FAM81B: variants seen among roughly 807,000 people sequenced by gnomAD.
The protein encoded by FAM81B is protein FAM81B.
FAM81B carries 60 observed loss-of-function variants against 58.7 expected under a neutral mutation model. The ratio of observed to expected loss-of-function variants is 1.02; its 90% CI spans 0.83 to 1.27. FAM81B has a LOEUF of 1.27. FAM81B is among the 50% of genes most tolerant of loss of function. The pLI is 0.00. For synonymous variants in FAM81B, 189 were observed against 179.6 expected (o/e 1.05, Z -0.42); for missense variants, 491 against 522.0 (o/e 0.94, Z 0.58).
At chr5:95,424,126 T>C in intron 5 of FAM81B, 2 of 1,289,822 alleles carry the variant, frequency 1.6e-6, no homozygotes, top group South Asian at 2.5e-5. Flanking sequence ...AGAGATTTGA[T>C]ACTGCAAGCC....
At chr5:95,427,815 T>C (rs1762888735) in intron 5 of FAM81B, among the ~76,000 whole-genome samples, 1 of 152,200 alleles carries the variant, frequency 6.6e-6, no homozygotes, top group Non-Finnish European at 1.5e-5. Context: ...AAACTGACCA[T>C]TAATACACTG....
intron 3 of FAM81B, among the ~76,000 whole-genome samples, chr5:95,400,101 G>A (rs1373458434): frequency 1.2e-4 from 18 of 152,158 alleles, no homozygotes; most frequent in African/African-American, 4.3e-4. Flanking sequence ...ATAAGATAGT[G>A]TTATAATAAA....
intron 6 of FAM81B, among the ~76,000 whole-genome samples, chr5:95,430,816 A>G (rs1054777593): frequency 6.6e-5 from 10 of 151,566 alleles, no homozygotes; most frequent in African/African-American, 2.4e-4. Flanking sequence ...ACACCCACCA[A>G]CAATATGTAA....
chr5:95,448,326 A>G lies in FAM81B; in HGVS notation c.1087A>G (p.Asn363Asp). 6.2e-7 allele frequency: 1 copy of G among 1,610,832 alleles called. No homozygotes were observed. The highest frequency in any genetic ancestry group is 1.1e-5 in the South Asian group (1 of 89,818). The change falls in exon 9 of 10, where the codon AAT becomes GAT. Residue 363 changes from asparagine to aspartate, a missense_variant. Coordinates refer to ENST00000283357, the MANE Select transcript of FAM81B (RefSeq NM_152548.3). Reference protein sequence around the residue: ...KLLQLSSKVENFINTQKQETQ... With the variant: ...KLLQLSSKVEDFINTQKQETQ... Reference sequence around the variant, plus strand: ...GCTGCAGCTTTCAAGCAAAGTAGAGAATTTCATTAACACACAGAAACAGGA... The same window carrying G: ...GCTGCAGCTTTCAAGCAAAGTAGAGGATTTCATTAACACACAGAAACAGGA...
At chr5:95,437,009 C>T in intron 7 of FAM81B, 103 bp downstream of exon 7, 1 of 821,140 alleles carries the variant, frequency 1.2e-6, no homozygotes, top group Non-Finnish European at 2.0e-6. Context: ...GAATTTGAAC[C>T]TGGCCAAGAA....
chr5:95,427,852 C>T (rs1488998220), intron 5 of FAM81B, among the ~76,000 whole-genome samples: 1 of 152,152 alleles, frequency 6.6e-6, no homozygotes, highest in Non-Finnish European at 1.5e-5. Flanking sequence ...CCAAGAGAGT[C>T]ACGGGTAACA....
chr5:95,446,954 A>T (rs1184191862), intron 8 of FAM81B, among the ~76,000 whole-genome samples: 2 of 150,542 alleles, frequency 1.3e-5, no homozygotes, highest in Admixed American at 6.6e-5. Context: ...TTTTTTTTAA[A>T]AAAAAAAAAA....
chr5:95,433,665 A>G (rs540399930), intron 6 of FAM81B, among the ~76,000 whole-genome samples: 1 of 152,290 alleles, frequency 6.6e-6, no homozygotes, highest in Non-Finnish European at 1.5e-5. Context: ...GTCCATTTTC[A>G]TACATGTTCT....
chr5:95,408,959 G>A (rs896032036), intron 3 of FAM81B, among the ~76,000 whole-genome samples: 6 of 152,156 alleles, frequency 3.9e-5, no homozygotes, highest in African/African-American at 1.4e-4. Context: ...TGCCTGTTGA[G>A]CACTTGAAAT....
At chr5:95,416,240 C>T (rs990989032) in intron 4 of FAM81B, among the ~76,000 whole-genome samples, 12 of 152,192 alleles carry the variant, frequency 7.9e-5, no homozygotes, top group African/African-American at 2.9e-4. Flanking sequence ...AACCTAACCT[C>T]ATTAACCAGG....
At chr5:95,446,719 T>C in intron 8 of FAM81B, 22 bp downstream of exon 8, 2 of 1,609,022 alleles carry the variant, frequency 1.2e-6, no homozygotes, top group Non-Finnish European at 1.7e-6. Context: ...TGTTATTTTG[T>C]GAAGCAAGCA....
intron 6 of FAM81B, 146 bp downstream of exon 6, chr5:95,428,878 C>A: frequency 9.3e-7 from 1 of 1,079,874 alleles, no homozygotes; most frequent in Non-Finnish European, 1.3e-6. Context: ...CACTCATATA[C>A]GCCATGGAAA....
At chr5:95,396,269 TTCAG>T (rs1761964809) in intron 3 of FAM81B, 94 bp downstream of exon 3, 1 of 962,054 alleles carries the variant, frequency 1.0e-6, no homozygotes, top group Non-Finnish European at 1.5e-6. Flanking sequence ...TGTTTAATTA[TTCAG>T]TCAGAGATGA....
At chr5:95,436,966 A>T in intron 7 of FAM81B, 60 bp downstream of exon 7, 1 of 1,313,238 alleles carries the variant, frequency 7.6e-7, no homozygotes, top group East Asian at 2.3e-5. Context: ...TTGCCTAATG[A>T]AAGCATTGGC....
At chr5:95,427,440 C>G (rs190832284) in intron 5 of FAM81B, among the ~76,000 whole-genome samples, 1 of 152,120 alleles carries the variant, frequency 6.6e-6, no homozygotes, top group Non-Finnish European at 1.5e-5. Context: ...TCTTCACCCC[C>G]ACTACAACCA....
At chr5:95,394,672 G>A (rs897967484) in intron 2 of FAM81B, among the ~76,000 whole-genome samples, 2 of 152,170 alleles carry the variant, frequency 1.3e-5, no homozygotes, top group African/African-American at 2.4e-5. Context: ...TAGACCCATT[G>A]CAGACCCCAT....
intron 3 of FAM81B, among the ~76,000 whole-genome samples, chr5:95,402,925 C>T (rs947910331): frequency 1.3e-5 from 2 of 152,192 alleles, no homozygotes; most frequent in Non-Finnish European, 2.9e-5. Flanking sequence ...TTAGAACACT[C>T]GGTTGGTAAG....
intron 8 of FAM81B, among the ~76,000 whole-genome samples, chr5:95,447,052 T>C (rs566248865): frequency 6.6e-6 from 1 of 152,226 alleles, no homozygotes; most frequent in East Asian, 1.9e-4. Flanking sequence ...CTGAGTGATG[T>C]GCAGACAAGT....
At chr5:95,399,963 C>T (rs112280203) in intron 3 of FAM81B, among the ~76,000 whole-genome samples, 1,690 of 152,258 alleles carry the variant, frequency 0.011, 16 homozygotes, top group Non-Finnish European at 0.017. Flanking sequence ...TAAAATGTTT[C>T]GCTGCTGAGT....
Sources: allele counts gnomAD v4.1 joint callset (sites outside exome capture counted in the v4.1 genomes callset), GRCh38; gene constraint gnomAD v4.1.1; transcripts MANE v1.5; gene names NCBI Gene and HGNC (gene_info 2026-07-23, HGNC 2026-07-21).